IL1RAPL1: variants seen among roughly 807,000 people sequenced by gnomAD.
The protein encoded by IL1RAPL1 is interleukin-1 receptor accessory protein-like 1.
A neutral mutation model predicts 48.4 loss-of-function variants in IL1RAPL1; 3 were observed. The ratio of observed to expected loss-of-function variants is 0.06; its 90% CI spans 0.03 to 0.16. The LOEUF (loss-of-function observed/expected upper bound fraction) is 0.16. Ranked by LOEUF, IL1RAPL1 falls within the 10% of genes least tolerant of loss-of-function variation. IL1RAPL1 has a pLI of 1.00. For missense variants in IL1RAPL1, 349 were observed against 530.6 expected, an observed-to-expected ratio of 0.66 and a Z score of 3.36; for synonymous variants, 185 against 187.7, an observed-to-expected ratio of 0.99 and a Z score of 0.12.
chrX:29,343,048 A>T (rs1040707998), intron 3 of IL1RAPL1, among the ~76,000 whole-genome samples: 30 of 112,281 alleles, frequency 2.7e-4, no homozygotes, highest in African/African-American at 9.4e-4. Flanking sequence ...TGCCTAGTGG[A>T]GATGACAATT....
chrX:29,080,968 CTT>C (rs776668499), intron 2 of IL1RAPL1, among the ~76,000 whole-genome samples: 2 of 42,533 alleles, frequency 4.7e-5, no homozygotes, highest in African/African-American at 1.2e-4. Flanking sequence ...TTCTTTCTTT[CTT>C]TCTTTCTTTC....
intron 1 of IL1RAPL1, among the ~76,000 whole-genome samples, chrX:28,634,515 GCTC>G (rs1296190353): frequency 9.2e-6 from 1 of 108,822 alleles, no homozygotes. Context: ...ATATATATGA[GCTC>G]CTCAAGCACA....
chrX:29,780,670 A>G (rs1422061243), intron 6 of IL1RAPL1, among the ~76,000 whole-genome samples: 1 of 111,758 alleles, frequency 8.9e-6, no homozygotes, highest in Non-Finnish European at 1.9e-5. Context: ...TAAAGATCTT[A>G]TAACGGTTAT....
intron 1 of IL1RAPL1, among the ~76,000 whole-genome samples, chrX:28,727,127 T>C (rs928773450): frequency 9.0e-6 from 1 of 111,363 alleles, no homozygotes; most frequent in African/African-American, 3.3e-5. Context: ...CCTTGGGCAG[T>C]ATGGCCATTT....
chrX:29,543,596 A>G (rs1193723211), intron 5 of IL1RAPL1, among the ~76,000 whole-genome samples: 1 of 110,223 alleles, frequency 9.1e-6, no homozygotes, highest in Non-Finnish European at 1.9e-5. Context: ...AAAGACATAT[A>G]TATATATATA....
At chrX:28,721,061 G>T (rs1450439322) in intron 1 of IL1RAPL1, among the ~76,000 whole-genome samples, 9 of 112,248 alleles carry the variant, frequency 8.0e-5, no homozygotes, top group Non-Finnish European at 1.5e-4. Context: ...ACATACGTGT[G>T]CATGTGCTTT....
chrX:28,755,763 C>T (rs886121293), intron 1 of IL1RAPL1, among the ~76,000 whole-genome samples: 2 of 111,814 alleles, frequency 1.8e-5, no homozygotes, highest in East Asian at 2.8e-4. Context: ...ATTTTCTTTT[C>T]TTGCATTCTC....
intron 2 of IL1RAPL1, among the ~76,000 whole-genome samples, chrX:29,170,488 C>T (rs765220838): frequency 7.2e-5 from 8 of 111,680 alleles, no homozygotes; most frequent in Non-Finnish European, 1.5e-4. Flanking sequence ...TTCTGTTTCT[C>T]TTTCTTAGTT....
At chrX:29,574,141 G>A (rs369982796) in intron 5 of IL1RAPL1, 1 of 110,062 alleles carries the variant, frequency 9.1e-6, no homozygotes, top group East Asian at 2.9e-4. Context: ...GGTAGAAGGC[G>A]AAGGGGAAAG....
At chrX:29,583,103 C>G (rs181159900) in intron 5 of IL1RAPL1, among the ~76,000 whole-genome samples, 14 of 105,970 alleles carry the variant, frequency 1.3e-4, no homozygotes, top group Middle Eastern at 4.7e-3. Context: ...AAACCCACAG[C>G]CAATATCATA....
chrX:29,703,257 C>T lies in IL1RAPL1; in HGVS notation c.778+34753C>T, dbSNP rs191423578. ...AAATGCAGTATTGATTCAGATAGAA[C>T]ATACCGAAAAATATTTATTGGTTGA... On this transcript the variant is annotated intron_variant, in intron 6 of 10. Transcript: ENST00000378993. Among the ~76,000 whole-genome samples, 280 of 111,665 alleles carry T rather than the reference C, an allele frequency of 2.5e-3. 2 individuals carry two copies. The highest frequency in any genetic ancestry group is 8.6e-3 in the African/African-American group (265 of 30,757).
At chrX:29,153,419 C>T (rs1929505176) in intron 2 of IL1RAPL1, among the ~76,000 whole-genome samples, 1 of 111,896 alleles carries the variant, frequency 8.9e-6, no homozygotes, top group East Asian at 2.8e-4. Flanking sequence ...ATGTCCCACT[C>T]TTCCCTCCTA....
intron 3 of IL1RAPL1, among the ~76,000 whole-genome samples, chrX:29,287,000 G>A (rs755515303): frequency 9.0e-6 from 1 of 110,663 alleles, no homozygotes; most frequent in African/African-American, 3.3e-5. Flanking sequence ...TCATAATCGG[G>A]ATATTGACAT....
chrX:28,615,706 G>C (rs1934211446), intron 1 of IL1RAPL1, among the ~76,000 whole-genome samples: 1 of 110,693 alleles, frequency 9.0e-6, no homozygotes, highest in East Asian at 2.9e-4. Context: ...GCTTAGATCT[G>C]TGGCTGCATC....
intron 1 of IL1RAPL1, among the ~76,000 whole-genome samples, chrX:28,762,786 G>GCGCGCGCACACACACACA (rs1366464632): frequency 1.4e-4 from 9 of 63,001 alleles, no homozygotes; most frequent in African/African-American, 5.7e-4. Context: ...GCACGCGCGC[G>GCGCGCGCACACACACACA]CACACACACA....
intron 2 of IL1RAPL1, among the ~76,000 whole-genome samples, chrX:29,159,770 A>G (rs1929644675): frequency 8.9e-6 from 1 of 111,815 alleles, no homozygotes; most frequent in African/African-American, 3.2e-5. Flanking sequence ...CTTGTTGCCC[A>G]GGCTGGAGTG....
intron 5 of IL1RAPL1, among the ~76,000 whole-genome samples, chrX:29,431,607 C>T (rs926603227): frequency 9.0e-6 from 1 of 111,288 alleles, no homozygotes; most frequent in Non-Finnish European, 1.9e-5. Context: ...ATGTCTAAAG[C>T]GTTAATAATA....
At chrX:28,763,845 A>G (rs1239620856) in intron 1 of IL1RAPL1, among the ~76,000 whole-genome samples, 2 of 111,047 alleles carry the variant, frequency 1.8e-5, no homozygotes, top group Non-Finnish European at 3.8e-5. Flanking sequence ...CTCCAAAGAA[A>G]ACAGCAATCT....
chrX:29,799,562 A>AC (rs1261228275), intron 6 of IL1RAPL1, among the ~76,000 whole-genome samples: 5 of 112,581 alleles, frequency 4.4e-5, no homozygotes, highest in African/African-American at 1.6e-4. Context: ...CTAAGAGCAT[A>AC]ATACATTTAG....
Sources: allele counts gnomAD v4.1 joint callset (sites outside exome capture counted in the v4.1 genomes callset), GRCh38; gene constraint gnomAD v4.1.1; transcripts MANE v1.5; gene names NCBI Gene and HGNC (gene_info 2026-07-23, HGNC 2026-07-21).